MED13L: variants seen among roughly 807,000 people sequenced by gnomAD.
MED13L encodes the protein mediator of RNA polymerase II transcription subunit 13-like.
Under a neutral mutation model 220.9 loss-of-function variants are expected in MED13L, and 7 were observed. That is an observed-to-expected ratio of 0.03 (90% CI 0.02 to 0.06). The LOEUF (loss-of-function observed/expected upper bound fraction) is 0.06, where lower values mean the gene tolerates loss of function less well. Ranked by LOEUF, MED13L falls within the 10% of genes least tolerant of loss-of-function variation. The pLI is 1.00. For synonymous variants in MED13L, 1,011 were observed against 1,015.2 expected, an observed-to-expected ratio of 1.00 and a Z score of 0.08; for missense variants, 1,965 against 2,760.5, an observed-to-expected ratio of 0.71 and a Z score of 6.46.
intron 4 of MED13L, among the ~76,000 whole-genome samples, chr12:116,032,717 C>G (rs1314338557): frequency 6.6e-6 from 1 of 152,186 alleles, no homozygotes; most frequent in Non-Finnish European, 1.5e-5. Flanking sequence ...CCATGGGTCT[C>G]TTCCCTATTT....
In MED13L at chr12:116,060,832, G is replaced by A. The variant is rs371021956; in HGVS notation, c.479+35837C>T. ...CACACACACGAGATACTTGCTTTAC[G>A]GAGCTTTGACTTTTGCTAAATTAAT... On this transcript the variant is annotated intron_variant, in intron 4 of 30. Coordinates refer to ENST00000281928, the MANE Select transcript of MED13L (RefSeq NM_015335.5). Among the ~76,000 whole-genome samples the A allele has an allele frequency of 8.6e-5, 13 of 152,022 alleles. No homozygotes were observed. The East Asian group carries it at 1.5e-3, about 18-fold the overall frequency.
At chr12:116,042,165 G>A (rs1881571691) in intron 4 of MED13L, among the ~76,000 whole-genome samples, 2 of 152,192 alleles carry the variant, frequency 1.3e-5, no homozygotes, top group East Asian at 3.9e-4. Flanking sequence ...GAGGGCTCAG[G>A]CACACCAGCC....
In MED13L at chr12:116,027,916, T is replaced by A. The variant is rs538132029; in HGVS notation, c.480-5315A>T. ...GAATAATCAAAAAGATTATGTCAAA[T>A]GTCTTGATAAAATATGGACACACAA... On this transcript the variant is annotated intron_variant, in intron 4 of 30. Coordinates refer to ENST00000281928, the MANE Select transcript of MED13L (RefSeq NM_015335.5). Among the ~76,000 whole-genome samples, 10 of 152,294 alleles carry A rather than the reference T, an allele frequency of 6.6e-5. No individual in the cohort carries two copies. In the East Asian group the frequency reaches 1.7e-3, roughly 26 times the overall value.
chr12:116,080,978 G>A (rs1013994320), intron 4 of MED13L, among the ~76,000 whole-genome samples: 2 of 152,216 alleles, frequency 1.3e-5, no homozygotes, highest in Middle Eastern at 3.4e-3. Flanking sequence ...TAAAGTTCAG[G>A]AACTTCTGAT....
intron 1 of MED13L, among the ~76,000 whole-genome samples, chr12:116,251,760 C>CTGTCT (rs1871588599): frequency 8.3e-6 from 1 of 120,510 alleles, no homozygotes; most frequent in Non-Finnish European, 1.7e-5. Flanking sequence ...GACTCTGTCT[C>CTGTCT]AAAAAAAAAA....
intron 2 of MED13L, among the ~76,000 whole-genome samples, chr12:116,132,525 T>C (rs1876160414): frequency 1.3e-5 from 2 of 152,102 alleles, no homozygotes; most frequent in African/African-American, 4.8e-5. Flanking sequence ...CTAAGTATGC[T>C]ATTTCCACAT....
At chr12:116,231,256 A>C (rs867713454) in intron 2 of MED13L, among the ~76,000 whole-genome samples, 3 of 152,168 alleles carry the variant, frequency 2.0e-5, no homozygotes, top group African/African-American at 4.8e-5. Flanking sequence ...TACACTGGAG[A>C]AATCTGGCAG....
chr12:116,272,747 A>G (rs1873487136), intron 1 of MED13L, among the ~76,000 whole-genome samples: 1 of 152,216 alleles, frequency 6.6e-6, no homozygotes, highest in Admixed American at 6.5e-5. Context: ...GGCCTAAGGT[A>G]CATTATTGTC....
chr12:116,199,906 C>T (rs1789968262), intron 2 of MED13L, among the ~76,000 whole-genome samples: 1 of 151,858 alleles, frequency 6.6e-6, no homozygotes, highest in Non-Finnish European at 1.5e-5. Context: ...ATTTCAAGTT[C>T]AAGGTTATAT....
chr12:116,225,584 C>G (rs1007196697), intron 2 of MED13L, among the ~76,000 whole-genome samples: 3 of 152,136 alleles, frequency 2.0e-5, no homozygotes, highest in African/African-American at 7.2e-5. Flanking sequence ...TTAAGATAAG[C>G]TAAAAAATAT....
intron 4 of MED13L, among the ~76,000 whole-genome samples, chr12:116,059,658 T>TC (rs1869277859): frequency 6.6e-6 from 1 of 152,116 alleles, no homozygotes; most frequent in South Asian, 2.1e-4. Context: ...CCTCAGGTGA[T>TC]CCGCCTGCCT....
At chr12:116,002,818 T>G (rs748507628) in intron 14 of MED13L, among the ~76,000 whole-genome samples, 185 bp downstream of exon 14, 4 of 152,218 alleles carry the variant, frequency 2.6e-5, no homozygotes, top group Non-Finnish European at 5.9e-5. Flanking sequence ...TTAAGATGGT[T>G]TCTGTATATG....
intron 1 of MED13L, among the ~76,000 whole-genome samples, chr12:116,240,436 G>A (rs1342312388): frequency 6.6e-6 from 1 of 151,772 alleles, no homozygotes; most frequent in Non-Finnish European, 1.5e-5. Flanking sequence ...CAATGTGTAT[G>A]TTTTAATCAG....
Position 116,129,127 on chromosome 12 carries a change from T to G in MED13L, c.311-17615A>C, listed in dbSNP as rs890830819. 7.2e-5 allele frequency among the ~76,000 whole-genome samples: 11 copies of G among 152,312 alleles called. No individual in the cohort carries two copies. In the South Asian group the frequency reaches 2.3e-3, roughly 32 times the overall value. On this transcript the variant is annotated intron_variant, in intron 2 of 30. Transcript: ENST00000281928. ...TTCTCACCAATTTTTAAAACAGAAT[T>G]ATTTTTAATAAAGTATAACTCAAGG...
At chr12:116,212,302 A>C (rs1565930860) in intron 2 of MED13L, among the ~76,000 whole-genome samples, 1 of 152,228 alleles carries the variant, frequency 6.6e-6, no homozygotes, top group East Asian at 1.9e-4. Flanking sequence ...CATGAGATTA[A>C]GTTGTTAACT....
At chr12:116,108,428 CG>C (rs1459964589) in intron 3 of MED13L, among the ~76,000 whole-genome samples, 1 of 145,824 alleles carries the variant, frequency 6.9e-6, no homozygotes. Flanking sequence ...GTGAGCTGTG[CG>C]TAATTTTCAT....
intron 2 of MED13L, among the ~76,000 whole-genome samples, chr12:116,213,562 C>A (rs1343975327): frequency 6.6e-6 from 1 of 152,068 alleles, no homozygotes; most frequent in East Asian, 1.9e-4. Flanking sequence ...AACAGGCATG[C>A]GCCACCATGC....
chr12:116,249,957 C>T (rs1317067851), intron 1 of MED13L, among the ~76,000 whole-genome samples: 2 of 143,746 alleles, frequency 1.4e-5, no homozygotes, highest in African/African-American at 5.1e-5. Flanking sequence ...ACCACACTGT[C>T]TCCAAGTTTC....
intron 2 of MED13L, among the ~76,000 whole-genome samples, chr12:116,182,304 C>T (rs2138228153): frequency 6.6e-6 from 1 of 152,308 alleles, no homozygotes; most frequent in African/African-American, 2.4e-5. Flanking sequence ...AATCACACTT[C>T]CCTAAGCCCT....
Sources: allele counts gnomAD v4.1 joint callset (sites outside exome capture counted in the v4.1 genomes callset), GRCh38; gene constraint gnomAD v4.1.1; transcripts MANE v1.5; gene names NCBI Gene and HGNC (gene_info 2026-07-23, HGNC 2026-07-21).